The following SORBS2 variants were observed in gnomAD, a reference collection of about 807,000 sequenced individuals.
SORBS2 encodes the protein sorbin and SH3 domain containing 2.
SORBS2 carries 46 observed loss-of-function variants against 97.7 expected under a neutral mutation model. The ratio of observed to expected loss-of-function variants is 0.47; its 90% CI spans 0.37 to 0.60. The LOEUF is 0.60. Among genes scored for constraint, SORBS2 ranks in the 20% least tolerant of loss-of-function variants. SORBS2 has a pLI of 0.00. For synonymous variants in SORBS2, 476 were observed against 473.4 expected, an observed-to-expected ratio of 1.01 and a Z score of -0.07; for missense variants, 1,316 against 1,282.3, an observed-to-expected ratio of 1.03 and a Z score of -0.40.
chr4:185,910,593 G>C (rs1404977275), intron 1 of SORBS2, among the ~76,000 whole-genome samples: 3 of 152,052 alleles, frequency 2.0e-5, no homozygotes, highest in Admixed American at 6.5e-5. Context: ...TCTTTCCCAG[G>C]CTGGCGTTCA....
chr4:185,717,322 AT>A (rs200184741), intron 2 of SORBS2, among the ~76,000 whole-genome samples: 5,488 of 152,162 alleles, frequency 0.036, 359 homozygotes, highest in African/African-American at 0.13. Context: ...GCTGGACATA[AT>A]TTTTTTCTGT....
At position 185,624,378 on chromosome 4, in the gene SORBS2, C is replaced by T. The variant is rs2096774231; in HGVS notation, c.751G>A (p.Asp251Asn). Residue 251 changes from aspartate (D) to asparagine (N), a missense_variant, in exon 7 of 15, where the codon GAC becomes AAC. Asp to Asn is a conservative substitution (Grantham distance 23). Coordinates refer to ENST00000418609, the Ensembl canonical transcript of SORBS2. ...TTGAAACTAATGGCTCTTGGTGAGTCCCGAGGGACATCCAAGTGCTGTCTG... is the reference window on the plus strand; with the variant it reads ...TTGAAACTAATGGCTCTTGGTGAGTTCCGAGGGACATCCAAGTGCTGTCTG... The T allele has an allele frequency of 1.2e-6, 2 of 1,614,158 alleles. No individual in the cohort carries two copies. The highest frequency in any genetic ancestry group is 1.1e-5 in the South Asian group (1 of 91,080).
intron 1 of SORBS2, among the ~76,000 whole-genome samples, chr4:185,789,453 T>C (rs1033524543): frequency 2.0e-5 from 3 of 151,522 alleles, no homozygotes; most frequent in African/African-American, 7.3e-5. Context: ...GTATAATTTA[T>C]GAAATAAATC....
At chr4:185,646,629 C>A (rs2097213046) in intron 4 of SORBS2, 39 bp downstream of exon 13, 1 of 1,313,544 alleles carries the variant, frequency 7.6e-7, no homozygotes, top group Admixed American at 1.7e-5. Context: ...CCTGGGAGCC[C>A]AGCGAGCTGG....
chr4:185,595,003 T>C (rs1261358609), intron 12 of SORBS2, among the ~76,000 whole-genome samples: 1 of 152,210 alleles, frequency 6.6e-6, no homozygotes, highest in Non-Finnish European at 1.5e-5. Flanking sequence ...ACTGATAGGC[T>C]GAAATCTCTT....
At chr4:185,903,646 T>G (rs2099248975) in intron 1 of SORBS2, among the ~76,000 whole-genome samples, 1 of 152,212 alleles carries the variant, frequency 6.6e-6, no homozygotes, top group Non-Finnish European at 1.5e-5. Context: ...GTTCCATGTA[T>G]TCTCTTCAGG....
intron 1 of SORBS2, among the ~76,000 whole-genome samples, chr4:185,893,166 G>A (rs1418126906): frequency 6.6e-6 from 1 of 152,198 alleles, no homozygotes; most frequent in Non-Finnish European, 1.5e-5. Context: ...TTGCTATGCT[G>A]TGGAATGAGG....
chr4:185,841,302 C>T (rs530843852), intron 1 of SORBS2, among the ~76,000 whole-genome samples: 1 of 152,092 alleles, frequency 6.6e-6, no homozygotes, highest in African/African-American at 2.4e-5. Flanking sequence ...CAATGAGGGC[C>T]TAAGTGGAGG....
intron 2 of SORBS2, among the ~76,000 whole-genome samples, chr4:185,691,741 C>T (rs2098098960): frequency 1.3e-5 from 2 of 152,014 alleles, no homozygotes; most frequent in South Asian, 4.1e-4. Context: ...AAGGGGTTGT[C>T]TCAGAAAAAA....
At chr4:185,687,265 C>A (rs577526817) in intron 2 of SORBS2, among the ~76,000 whole-genome samples, 1 of 152,078 alleles carries the variant, frequency 6.6e-6, no homozygotes, top group Admixed American at 6.6e-5. Flanking sequence ...TGGGGTCAAG[C>A]GATCCTCCTG....
At chr4:185,917,682 A>G (rs1299177508) in intron 1 of SORBS2, among the ~76,000 whole-genome samples, 1 of 152,164 alleles carries the variant, frequency 6.6e-6, no homozygotes, top group Non-Finnish European at 1.5e-5. Context: ...TGCGACTGGT[A>G]TCAAAAATTG....
At chr4:185,858,431 A>T (rs1344958992) in intron 1 of SORBS2, among the ~76,000 whole-genome samples, 1 of 152,344 alleles carries the variant, frequency 6.6e-6, no homozygotes, top group Non-Finnish European at 1.5e-5. Context: ...AAACTAAGAT[A>T]ACCACTTAAT....
intron 1 of SORBS2, among the ~76,000 whole-genome samples, chr4:185,853,545 C>T (rs2099219083): frequency 6.6e-6 from 1 of 152,158 alleles, no homozygotes; most frequent in Non-Finnish European, 1.5e-5. Flanking sequence ...GAGAGGGATA[C>T]ACCAATGAGG....
chr4:185,632,868 T>C (rs1378134352), intron 4 of SORBS2, among the ~76,000 whole-genome samples: 1 of 152,220 alleles, frequency 6.6e-6, no homozygotes, highest in Non-Finnish European at 1.5e-5. Flanking sequence ...TGCGGTTTCA[T>C]GTACACTCAG....
At chr4:185,910,448 C>T (rs898385655) in intron 1 of SORBS2, among the ~76,000 whole-genome samples, 1 of 152,200 alleles carries the variant, frequency 6.6e-6, no homozygotes. Flanking sequence ...ACTTTCTCCC[C>T]ATTCCTCTCC....
upstream of SORBS2, among the ~76,000 whole-genome samples, chr4:185,660,526 T>C (rs191625445): frequency 6.6e-6 from 1 of 152,280 alleles, no homozygotes; most frequent in East Asian, 1.9e-4. Context: ...GGCACAGATA[T>C]ATTTAGACTT....
chr4:185,796,590 G>T (rs113499949), intron 1 of SORBS2, among the ~76,000 whole-genome samples: 1 of 47,072 alleles, frequency 2.1e-5, no homozygotes, highest in Non-Finnish European at 4.5e-5. Flanking sequence ...GGTCACGGTG[G>T]GGCTGGGCAT....
intron 1 of SORBS2, among the ~76,000 whole-genome samples, chr4:185,781,959 T>C (rs2099033250): frequency 6.6e-6 from 1 of 152,262 alleles, no homozygotes; most frequent in Admixed American, 6.5e-5. Context: ...GTTGGAGTAA[T>C]TGATCGGAGC....
At chr4:185,780,425 G>A (rs775425279) in intron 1 of SORBS2, among the ~76,000 whole-genome samples, 19 of 152,140 alleles carry the variant, frequency 1.2e-4, no homozygotes, top group African/African-American at 4.6e-4. Context: ...AGCATCCGTC[G>A]GGTCATCTAC....
Sources: gnomAD v4.1 joint callset for allele counts (sites outside exome capture counted in the v4.1 genomes callset) on GRCh38, gnomAD v4.1.1 for gene constraint, MANE v1.5 for transcripts, NCBI Gene and HGNC (gene_info 2026-07-23, HGNC 2026-07-21) for gene names.